The following PPIH variants were observed in gnomAD, a reference collection of about 807,000 sequenced individuals.
PPIH encodes peptidyl-prolyl cis-trans isomerase H.
Under a neutral mutation model 27.6 loss-of-function variants are expected in PPIH, and 16 were observed. The ratio of observed to expected loss-of-function variants is 0.58; its 90% CI spans 0.39 to 0.88. The LOEUF (loss-of-function observed/expected upper bound fraction) is 0.88, where lower values mean the gene tolerates loss of function less well. Ranked by LOEUF, PPIH falls within the 40% of genes least tolerant of loss-of-function variation. The pLI, the probability that PPIH is intolerant of heterozygous loss-of-function variation, is 0.00. For synonymous variants in PPIH, 63 were observed against 76.1 expected (o/e 0.83, Z 0.90); for missense variants, 155 against 224.1 (o/e 0.69, Z 1.97).
chr1:42,675,278 A>G (rs1649827377), intron 9 of PPIH: 1 of 152,154 alleles, frequency 6.6e-6, no homozygotes, highest in Non-Finnish European at 1.5e-5. Flanking sequence ...CTAATCCTAA[A>G]TCCTCCCAGC....
chr1:42,659,088 T>C, intron 2 of PPIH, 140 bp from the exon 3 acceptor site: 1 of 1,408,608 alleles, frequency 7.1e-7, no homozygotes. Flanking sequence ...ACGTTGTTAG[T>C]CTGTGTGACT....
chr1:42,679,741 CA>C (rs559342616), downstream of PPIH, among the ~76,000 whole-genome samples: 222 of 152,342 alleles, frequency 1.5e-3, 1 homozygote, highest in South Asian at 2.9e-3. Flanking sequence ...GCCTATAGGG[CA>C]TGCTTTTAAA....
intron 9 of PPIH, among the ~76,000 whole-genome samples, chr1:42,668,467 C>T (rs1360622231): frequency 4.6e-5 from 7 of 151,932 alleles, no homozygotes; most frequent in Non-Finnish European, 1.0e-4. Context: ...TGACACTTTA[C>T]CCCTAAGTAT....
intron 5 of PPIH, 174 bp downstream of exon 5, chr1:42,661,078 G>A (rs769987812): frequency 2.3e-5 from 14 of 601,510 alleles, no homozygotes; most frequent in South Asian, 6.3e-5. Flanking sequence ...GGCTGGGTAC[G>A]ACTGACTGTA....
intron 9 of PPIH, among the ~76,000 whole-genome samples, chr1:42,671,660 C>T (rs1396004384): frequency 3.9e-5 from 6 of 152,096 alleles, no homozygotes; most frequent in African/African-American, 9.7e-5. Flanking sequence ...CTTGAATTAT[C>T]GCATTTCACT....
intron 9 of PPIH, among the ~76,000 whole-genome samples, chr1:42,670,791 T>A (rs993417779): frequency 3.9e-5 from 6 of 152,090 alleles, no homozygotes; most frequent in African/African-American, 1.4e-4. Flanking sequence ...ACTTTTTATT[T>A]TTTATTTATT....
At chr1:42,676,384 C>T (rs1422949227) in intron 9 of PPIH, among the ~76,000 whole-genome samples, 200 bp from the exon 10 acceptor site, 1 of 151,992 alleles carries the variant, frequency 6.6e-6, no homozygotes, top group Admixed American at 6.6e-5. Context: ...AGGAGAATTG[C>T]TTGAACCCGG....
chr1:42,666,855 T>C lies in PPIH; in HGVS notation c.465+268T>C, dbSNP rs112478033. On this transcript the variant is annotated intron_variant, in intron 8 of 9. Coordinates refer to ENST00000304979, the MANE Select transcript of PPIH (RefSeq NM_006347.4). Reference sequence around the variant, plus strand: ...TGATTAGTCCCTGTCTACCTCTCCATGGCCCCTTCTTCTGCCATTGCCTCT... The same window carrying C: ...TGATTAGTCCCTGTCTACCTCTCCACGGCCCCTTCTTCTGCCATTGCCTCT... Among the ~76,000 whole-genome samples, 885 of 152,320 alleles carry C rather than the reference T, an allele frequency of 5.8e-3. 12 individuals carry two copies. Among genetic ancestry groups the C allele is most frequent in the African/African-American group, 0.02 (843 of 41,568 alleles).
At chr1:42,662,302 G>C (rs1649080568) in intron 5 of PPIH, among the ~76,000 whole-genome samples, 1 of 152,198 alleles carries the variant, frequency 6.6e-6, no homozygotes, top group Non-Finnish European at 1.5e-5. Flanking sequence ...CCAGTACCTT[G>C]GGATGCTGGG....
intron 5 of PPIH, among the ~76,000 whole-genome samples, chr1:42,663,559 G>A (rs919928558): frequency 6.6e-6 from 1 of 151,734 alleles, no homozygotes; most frequent in African/African-American, 2.4e-5. Flanking sequence ...ACCACCACAC[G>A]TGGCTAATTT....
chr1:42,667,317 A>C, intron 8 of PPIH, 34 bp from the exon 9 acceptor site: 1 of 1,542,942 alleles, frequency 6.5e-7, no homozygotes, highest in Non-Finnish European at 9.0e-7. Flanking sequence ...GAAGTGCCTG[A>C]GTGGATGAAT....
At chr1:42,676,393 G>A (rs572711518) in intron 9 of PPIH, among the ~76,000 whole-genome samples, 191 bp from the exon 10 acceptor site, 142 of 152,144 alleles carry the variant, frequency 9.3e-4, no homozygotes, top group Non-Finnish European at 2.0e-3. Context: ...GCTTGAACCC[G>A]GGAGGCGGAG....
chr1:42,670,296 G>A (rs553430094), intron 9 of PPIH, among the ~76,000 whole-genome samples: 3 of 152,152 alleles, frequency 2.0e-5, no homozygotes, highest in South Asian at 2.1e-4. Flanking sequence ...CATTCCCTCC[G>A]TCTCCTACTC....
chr1:42,666,091 G>A, intron 7 of PPIH, 24 bp downstream of exon 7: 1 of 1,606,630 alleles, frequency 6.2e-7, no homozygotes, highest in Non-Finnish European at 8.5e-7. Flanking sequence ...CTGTCTCATG[G>A]TCCAGGCCCC....
chr1:42,674,013 C>T (rs767229091), intron 9 of PPIH, among the ~76,000 whole-genome samples: 1 of 152,232 alleles, frequency 6.6e-6, no homozygotes, highest in Non-Finnish European at 1.5e-5. Flanking sequence ...GGCTGGTCCT[C>T]TATTCATTCC....
At chr1:42,669,645 GA>G (rs1463801080) in intron 9 of PPIH, among the ~76,000 whole-genome samples, 2 of 152,046 alleles carry the variant, frequency 1.3e-5, no homozygotes, top group Admixed American at 6.5e-5. Context: ...TATATTTTAA[GA>G]AAAAAATTAG....
downstream of PPIH, among the ~76,000 whole-genome samples, chr1:42,677,685 G>A (rs1042519879): frequency 6.6e-6 from 1 of 152,136 alleles, no homozygotes; most frequent in African/African-American, 2.4e-5. Context: ...AATTAGCTGA[G>A]TATGGTGGCA....
At chr1:42,666,498 A>C (rs1345192856) in intron 7 of PPIH, 49 bp from the exon 8 acceptor site, 1 of 1,584,010 alleles carries the variant, frequency 6.3e-7, no homozygotes, top group African/African-American at 1.3e-5. Flanking sequence ...TGGAAGCTGG[A>C]AAATGCTATG....
In PPIH at chr1:42,666,012, G is replaced by A; in HGVS notation, c.369G>A (p.Gln123=). ...ANSGPSTNGC[Q]FFITCSKCDW... Reference sequence around the variant, plus strand: ...GTGGTCCAAGTACAAATGGCTGTCAGTTCTTTATCACCTGCTCTAAGTGCG... The same window carrying A: ...GTGGTCCAAGTACAAATGGCTGTCAATTCTTTATCACCTGCTCTAAGTGCG... The change falls in exon 7 of 10, where the codon CAG becomes CAA. Residue 123 remains glutamine, a synonymous_variant. Coordinates refer to ENST00000304979, the MANE Select transcript of PPIH (RefSeq NM_006347.4). 1 of 1,614,186 alleles carries A rather than the reference G, an allele frequency of 6.2e-7. No homozygotes were observed. The highest frequency in any genetic ancestry group is 8.5e-7 in the Non-Finnish European group (1 of 1,180,018).
Sources: allele counts gnomAD v4.1 joint callset (sites outside exome capture counted in the v4.1 genomes callset), GRCh38; gene constraint gnomAD v4.1.1; transcripts MANE v1.5; gene names NCBI Gene and HGNC (gene_info 2026-07-23, HGNC 2026-07-21).